Variants in CHD9 observed in about 807,000 individuals in gnomAD.
CHD9 encodes chromodomain helicase DNA binding protein 9.
In CHD9, 77 loss-of-function variants were observed where a neutral mutation model predicts 316.1. The observed-to-expected ratio is 0.24, with a 90% CI of 0.20 to 0.29. CHD9 has a LOEUF of 0.29. Ranked by LOEUF, CHD9 falls within the 10% of genes least tolerant of loss-of-function variation. The probability of loss-of-function intolerance (pLI) is 1.00; values close to 1 mark genes in which losing one functional copy is unlikely to be tolerated. For missense variants in CHD9, 2,763 were observed against 3,438.1 expected (o/e 0.80, Z 4.91); for synonymous variants, 1,129 against 1,158.3 (o/e 0.97, Z 0.51).
intron 1 of CHD9, among the ~76,000 whole-genome samples, chr16:53,120,960 C>T (rs12596812): frequency 0.12 from 17,876 of 152,184 alleles, 1,424 homozygotes; most frequent in East Asian, 0.39. Flanking sequence ...GAGCCAAGAT[C>T]GTGCCACTGC....
At chr16:53,259,359 T>C (rs929236588) in intron 19 of CHD9, among the ~76,000 whole-genome samples, 1 of 152,230 alleles carries the variant, frequency 6.6e-6, no homozygotes, top group African/African-American at 2.4e-5. Flanking sequence ...TCAATAGTTA[T>C]ATGATAGCAG....
At position 53,306,365 on chromosome 16, in the gene CHD9, G is replaced by A; in HGVS notation, c.6748G>A (p.Gly2250Arg). Residue 2250 changes from glycine to arginine, a missense_variant, in exon 32 of 39, where the codon GGA becomes AGA. Physicochemically the swap from Gly to Arg is moderately radical, Grantham distance 125. This residue lies in a region of CHD9 where 663 missense variants were observed against 751.2 expected (regional missense o/e 0.88). Coordinates refer to ENST00000447540, the MANE Select transcript of CHD9 (RefSeq NM_001308319.2). Reference protein sequence around the residue: ...TPESAYILQGGYMLAASYWPK... With the variant: ...TPESAYILQGRYMLAASYWPK... ...AGAGTCTGCTTATATCTTACAAGGTGGATATATGCTGGCAGCCTCGTATTG... is the reference window on the plus strand; with the variant it reads ...AGAGTCTGCTTATATCTTACAAGGTAGATATATGCTGGCAGCCTCGTATTG... 6.2e-7 allele frequency: 1 copy of A among 1,600,674 alleles called. No individual in the cohort carries two copies. The highest frequency in any genetic ancestry group is 8.5e-7 in the Non-Finnish European group (1 of 1,175,338).
chr16:53,111,294 C>A (rs899310068), intron 1 of CHD9, among the ~76,000 whole-genome samples: 2 of 152,136 alleles, frequency 1.3e-5, no homozygotes, highest in African/African-American at 4.8e-5. Flanking sequence ...GTCGGGGAAT[C>A]CCAGGGCTTG....
rs180982730 is a variant in CHD9, at chr16:53,269,755, G to A, written c.4717+1629G>A. ...TAAATTATCGGATTAGGAGTGAATA[G>A]AGAGGTATCTATTCACAGCCAAAGA... On this transcript the variant is annotated intron_variant, in intron 22 of 38. Transcript: ENST00000447540. 1.3e-3 allele frequency among the ~76,000 whole-genome samples: 191 copies of A among 152,236 alleles called. 2 individuals are homozygous for A. The South Asian group carries it at 0.013, about 11-fold the overall frequency.
rs942154771 is a variant in CHD9 at position 53,185,400 on chromosome 16, A to G, written c.1453-24082A>G. On this transcript the variant is annotated intron_variant, in intron 2 of 38. Transcript: ENST00000447540. ...GCCCTGGAGACCTGTGGAACTTTGTACTTGAGAGAGATGATTTAGGGTGTC... is the reference window on the plus strand; with the variant it reads ...GCCCTGGAGACCTGTGGAACTTTGTGCTTGAGAGAGATGATTTAGGGTGTC... Among the ~76,000 whole-genome samples the G allele has an allele frequency of 3.9e-5, 6 of 152,162 alleles. No homozygotes were observed. In the East Asian group the frequency reaches 1.2e-3, roughly 29 times the overall value.
chr16:53,264,548 T>C (rs1313211643), intron 20 of CHD9, among the ~76,000 whole-genome samples: 1 of 152,180 alleles, frequency 6.6e-6, no homozygotes, highest in African/African-American at 2.4e-5. Context: ...TCTCTATTTA[T>C]GATTTTTCAG....
At chr16:53,137,174 A>G (rs1008684562) in intron 1 of CHD9, among the ~76,000 whole-genome samples, 37 of 152,166 alleles carry the variant, frequency 2.4e-4, no homozygotes, top group African/African-American at 7.5e-4. Context: ...GGGTTTCACC[A>G]TGTTGGCCAG....
rs529844076 is a variant in CHD9, at chr16:53,170,581, G to T, written c.1452+13040G>T. ...CAGTACTAGTATTTTGTAATTTCGT[G>T]TGTGTGTGTGTGTGTGTGTGTGTGT... On this transcript the variant is annotated intron_variant, in intron 2 of 38. Coordinates refer to ENST00000447540, the MANE Select transcript of CHD9 (RefSeq NM_001308319.2). Among the ~76,000 whole-genome samples, 30 of 10,466 alleles carry T rather than the reference G, an allele frequency of 2.9e-3. No homozygotes were observed. The East Asian group carries it at 0.12, about 40-fold the overall frequency. 6.9% of individuals were successfully genotyped at this position (10,466 alleles called of 152,430 possible). A position where few individuals can be genotyped will look rare whatever the true frequency, so the allele number is the denominator to read the frequency against.
At chr16:53,152,596 A>G (rs1244336064) in intron 1 of CHD9, among the ~76,000 whole-genome samples, 1 of 152,180 alleles carries the variant, frequency 6.6e-6, no homozygotes, top group Non-Finnish European at 1.5e-5. Flanking sequence ...CATGTGAGTG[A>G]CATAAAGAGT....
intron 1 of CHD9, among the ~76,000 whole-genome samples, chr16:53,060,920 CTT>C (rs549828992): frequency 1.8e-4 from 18 of 99,414 alleles, no homozygotes; most frequent in African/African-American, 3.2e-4. Context: ...GATGTTGTCT[CTT>C]TTTTTTTTTT....
chr16:53,318,414 A>G, intron 37 of CHD9, 74 bp downstream of exon 37: 1 of 1,209,864 alleles, frequency 8.3e-7, no homozygotes, highest in Non-Finnish European at 1.1e-6. Flanking sequence ...CTATTTCATT[A>G]TGTGGTGGTG....
intron 24 of CHD9, among the ~76,000 whole-genome samples, chr16:53,280,580 C>G (rs1191244361): frequency 6.6e-6 from 1 of 151,840 alleles, no homozygotes; most frequent in Non-Finnish European, 1.5e-5. Flanking sequence ...GTGTATACTG[C>G]TCGGGAGATG....
At chr16:53,127,162 A>AT (rs1169038351) in intron 1 of CHD9, among the ~76,000 whole-genome samples, 1 of 151,852 alleles carries the variant, frequency 6.6e-6, no homozygotes, top group Non-Finnish European at 1.5e-5. Context: ...AGGTTTTACC[A>AT]TATTGCCCAG....
At chr16:53,176,305 G>A (rs1320454350) in intron 2 of CHD9, among the ~76,000 whole-genome samples, 1 of 152,096 alleles carries the variant, frequency 6.6e-6, no homozygotes, top group African/African-American at 2.4e-5. Context: ...TCACCCTAAT[G>A]TTTTTGTTTT....
At chr16:53,119,065 T>G (rs2038542280) in intron 1 of CHD9, among the ~76,000 whole-genome samples, 1 of 152,112 alleles carries the variant, frequency 6.6e-6, no homozygotes, top group African/African-American at 2.4e-5. Flanking sequence ...GTGTTGGGAT[T>G]ACAGACATGA....
intron 19 of CHD9, among the ~76,000 whole-genome samples, chr16:53,259,166 T>G (rs1049497152): frequency 6.6e-5 from 10 of 152,294 alleles, no homozygotes; most frequent in African/African-American, 2.4e-4. Context: ...TCACAATCCT[T>G]GAGAATCATG....
At chr16:53,251,885 TAGAA>T (rs2050157262) in intron 17 of CHD9, among the ~76,000 whole-genome samples, 1 of 152,080 alleles carries the variant, frequency 6.6e-6, no homozygotes, top group South Asian at 2.1e-4. Context: ...TGACCCAGCT[TAGAA>T]AGAAATCATA....
At chr16:53,291,517 C>T (rs1474824121) in intron 27 of CHD9, among the ~76,000 whole-genome samples, 1 of 152,016 alleles carries the variant, frequency 6.6e-6, no homozygotes, top group Non-Finnish European at 1.5e-5. Flanking sequence ...TAAATAATGA[C>T]TGTCTAATTG....
chr16:53,267,422 C>A lies in CHD9; in HGVS notation c.4449C>A (p.Pro1483=). Residue 1483 remains proline, a synonymous_variant, in exon 21 of 39, where the codon CCC becomes CCA. Transcript: ENST00000447540. ...ATGAAAAGCCCAAACTCCGGAGACC[C>A]TGTGACCGTTCCAATGGCTATGGAA... ...EGDEKPKLRR[P]CDRSNGYGRT... 6.2e-7 allele frequency: 1 copy of A among 1,612,692 alleles called. No individual in the cohort carries two copies. The highest frequency in any genetic ancestry group is 8.5e-7 in the Non-Finnish European group (1 of 1,179,162).
Sources: allele counts gnomAD v4.1 joint callset (sites outside exome capture counted in the v4.1 genomes callset), GRCh38; gene constraint gnomAD v4.1.1; regional missense constraint gnomAD v4.1.1; transcripts MANE v1.5; gene names NCBI Gene and HGNC (gene_info 2026-07-23, HGNC 2026-07-21).